Variants in MALRD1 observed in about 807,000 individuals in gnomAD.
MALRD1 encodes MAM and LDL receptor class A domain containing 1.
A neutral mutation model predicts 242.1 loss-of-function variants in MALRD1; 247 were observed. That is an observed-to-expected ratio of 1.02 (90% confidence interval 0.92 to 1.13). MALRD1 has a LOEUF of 1.13. Ranked by LOEUF, MALRD1 falls within the 50% of genes most tolerant of loss-of-function variation. The pLI is 0.00. For synonymous variants in MALRD1, 995 were observed against 866.6 expected (o/e 1.15, Z -2.60); for missense variants, 2,989 against 2,533.1 (o/e 1.18, Z -3.86).
At chr10:19,580,983 T>C (rs1837093400) in intron 33 of MALRD1, among the ~76,000 whole-genome samples, 1 of 152,114 alleles carries the variant, frequency 6.6e-6, no homozygotes, top group South Asian at 2.1e-4. Context: ...TTTAAGCTGT[T>C]AAATATATGG....
intron 10 of MALRD1, among the ~76,000 whole-genome samples, chr10:19,145,260 C>T (rs1168985830): frequency 6.6e-6 from 1 of 152,114 alleles, no homozygotes; most frequent in Non-Finnish European, 1.5e-5. Context: ...ATAAAGTATG[C>T]TCCAAACCCC....
chr10:19,693,423 C>T (rs934020968), intron 38 of MALRD1, among the ~76,000 whole-genome samples: 4 of 152,082 alleles, frequency 2.6e-5, no homozygotes, highest in African/African-American at 9.7e-5. Flanking sequence ...CATTCTTATA[C>T]ACCAATAACA....
At chr10:19,495,309 A>C (rs1837663941) in intron 30 of MALRD1, among the ~76,000 whole-genome samples, 1 of 152,086 alleles carries the variant, frequency 6.6e-6, no homozygotes, top group African/African-American at 2.4e-5. Context: ...TCAAAATGAA[A>C]GAAAAAAGGT....
intron 33 of MALRD1, among the ~76,000 whole-genome samples, chr10:19,584,989 T>G (rs1226438807): frequency 6.6e-6 from 1 of 152,200 alleles, no homozygotes; most frequent in Non-Finnish European, 1.5e-5. Flanking sequence ...ATGGCCTTCC[T>G]TGTCTCTTTT....
rs571689814 is a variant in MALRD1, at chr10:19,388,470, C to T, written c.4687+697C>T. Among the ~76,000 whole-genome samples the T allele has an allele frequency of 1.1e-4, 16 of 152,308 alleles. No individual in the cohort carries two copies. The South Asian group carries it at 3.1e-3, about 30-fold the overall frequency. On this transcript the variant is annotated intron_variant, in intron 27 of 39. Transcript: ENST00000454679. ...CACTTGTAATCAATAACCCTGAATT[C>T]TGCCACTCATGTGATCATTAGCAAG...
chr10:19,462,218 A>G (rs1170447087), intron 29 of MALRD1, among the ~76,000 whole-genome samples: 2 of 152,082 alleles, frequency 1.3e-5, no homozygotes, highest in African/African-American at 4.8e-5. Flanking sequence ...ATGCAAACCA[A>G]CCACTCTAGA....
rs73593855 is a variant in MALRD1, at chr10:19,235,871, C to T, written c.2992-21813C>T. ...TGAGTTGTTTTTAAGGTATTTCAAA[C>T]CCTTGAAGCTTCTATGGGACATCGA... is the stretch of plus-strand genomic sequence containing the variant. On this transcript the variant is annotated intron_variant, in intron 18 of 39. Transcript: ENST00000454679. Among the ~76,000 whole-genome samples the T allele has an allele frequency of 6.2e-3, 937 of 151,954 alleles. 11 individuals carry two copies. The highest frequency in any genetic ancestry group is 0.021 in the African/African-American group (889 of 41,442).
chr10:19,171,942 ATAT>A (rs1295330510), intron 13 of MALRD1, among the ~76,000 whole-genome samples: 2 of 124,250 alleles, frequency 1.6e-5, no homozygotes, highest in South Asian at 2.4e-4. Context: ...TATATATATC[ATAT>A]AATATATGTA....
At chr10:19,724,253 C>A (rs148393470) in intron 38 of MALRD1, among the ~76,000 whole-genome samples, 1 of 151,838 alleles carries the variant, frequency 6.6e-6, no homozygotes, top group Non-Finnish European at 1.5e-5. Context: ...GGTAAATTGG[C>A]GGGAGGGGGA....
At chr10:19,144,624 T>A (rs371281809) in intron 10 of MALRD1, among the ~76,000 whole-genome samples, 6 of 152,196 alleles carry the variant, frequency 3.9e-5, no homozygotes, top group Admixed American at 2.6e-4. Flanking sequence ...TTGAACACAA[T>A]GGTCAGAAGC....
intron 1 of MALRD1, among the ~76,000 whole-genome samples, chr10:19,062,639 A>G (rs1834856051): frequency 6.6e-6 from 1 of 152,216 alleles, no homozygotes; most frequent in South Asian, 2.1e-4. Flanking sequence ...ACACAGAAAA[A>G]CATACACTAT....
chr10:19,498,546 A>G lies in MALRD1; in HGVS notation c.5220A>G (p.Thr1740=). 7.7e-6 allele frequency: 12 copies of G among 1,550,428 alleles called. No homozygotes were observed. The highest frequency in any genetic ancestry group is 1.7e-4 in the Middle Eastern group (1 of 5,992). The stretch of plus-strand genomic sequence containing the variant: ...AAACAAGTTCAGGAAACTGGACCAC[A>G]GCCTGCAGTCTTACTCAAGACTCTG... The part of the protein sequence containing the change: ...NFETSSGNWT[T]ACSLTQDSED... The change falls in exon 31 of 40, where the codon ACA becomes ACG. Residue 1740 remains threonine (T), a synonymous_variant. Coordinates refer to ENST00000454679, the MANE Select transcript of MALRD1 (RefSeq NM_001142308.3).
chr10:19,306,612 T>C (rs2131976161), intron 21 of MALRD1, among the ~76,000 whole-genome samples: 2 of 150,350 alleles, frequency 1.3e-5, no homozygotes, highest in East Asian at 3.9e-4. Flanking sequence ...TGTGTATATA[T>C]ATATGTACTT....
intron 5 of MALRD1, among the ~76,000 whole-genome samples, chr10:19,116,686 C>A (rs1836880624): frequency 6.6e-6 from 1 of 152,140 alleles, no homozygotes; most frequent in African/African-American, 2.4e-5. Flanking sequence ...GGTACAGACA[C>A]CTTGAAATGG....
At chr10:19,695,519 C>CTT (rs10579256) in intron 38 of MALRD1, among the ~76,000 whole-genome samples, 1 of 117,112 alleles carries the variant, frequency 8.5e-6, no homozygotes, top group Admixed American at 8.9e-5. Flanking sequence ...GTTTTTCTTT[C>CTT]TTTTTTTTTT....
At chr10:19,650,717 C>T (rs1434910391) in intron 36 of MALRD1, among the ~76,000 whole-genome samples, 2 of 152,112 alleles carry the variant, frequency 1.3e-5, no homozygotes, top group Non-Finnish European at 2.9e-5. Flanking sequence ...TAGATTGCAG[C>T]CTGAACTAAT....
intron 13 of MALRD1, among the ~76,000 whole-genome samples, chr10:19,171,013 T>A (rs1052515133): frequency 6.6e-6 from 1 of 152,146 alleles, no homozygotes; most frequent in African/African-American, 2.4e-5. Context: ...ATATTCATTT[T>A]TTGCTCCCGT....
intron 33 of MALRD1, among the ~76,000 whole-genome samples, chr10:19,593,660 T>C (rs1395373312): frequency 1.3e-5 from 2 of 152,200 alleles, no homozygotes; most frequent in East Asian, 1.9e-4. Context: ...CCGTTCTATA[T>C]GTTCACATAC....
At position 19,352,308 on chromosome 10, in the gene MALRD1, A is replaced by G. The variant is rs1317988444; in HGVS notation, c.4441+11A>G. The G allele has an allele frequency of 1.4e-6, 2 of 1,413,544 alleles. No individual in the cohort carries two copies. Among genetic ancestry groups the G allele is most frequent in the African/African-American group, 6.1e-5 (2 of 33,018 alleles). The allele number at this position is 1,413,544 out of a possible 1,614,324, so 87.6% of individuals were successfully genotyped here. ...TGCCTCTTCCAACAGGTACATTCTA[A>G]TCTGTGTGTGTGTGTGGTATTTTTG... On this transcript the variant is annotated intron_variant, in intron 26 of 39. Coordinates refer to ENST00000454679, the MANE Select transcript of MALRD1 (RefSeq NM_001142308.3).
Sources: gnomAD v4.1 joint callset for allele counts (sites outside exome capture counted in the v4.1 genomes callset) on GRCh38, gnomAD v4.1.1 for gene constraint, MANE v1.5 for transcripts, NCBI Gene and HGNC (gene_info 2026-07-23, HGNC 2026-07-21) for gene names.